Variants in DIP2B observed in about 807,000 individuals in gnomAD.
DIP2B encodes the protein DIP2 acetate--CoA ligase B (putative), also known as disco-interacting protein 2 homolog B.
In DIP2B, 76 loss-of-function variants were observed where a neutral mutation model predicts 198.0. That is an observed-to-expected ratio of 0.38 (90% CI 0.32 to 0.46). The LOEUF (loss-of-function observed/expected upper bound fraction) is 0.46, where lower values mean the gene tolerates loss of function less well. Among genes scored for constraint, DIP2B ranks in the 20% least tolerant of loss-of-function variants. The probability of loss-of-function intolerance (pLI) is 0.99; values close to 1 mark genes in which losing one functional copy is unlikely to be tolerated. For missense variants in DIP2B, 1,559 were observed against 1,978.4 expected, an observed-to-expected ratio of 0.79 and a Z score of 4.02; for synonymous variants, 701 against 739.1, an observed-to-expected ratio of 0.95 and a Z score of 0.84.
chr12:50,680,290 C>CTT, intron 8 of DIP2B: 1 of 139,152 alleles, frequency 7.2e-6, no homozygotes, highest in East Asian at 2.2e-4. Flanking sequence ...AAACTTAGAA[C>CTT]AGAAGTATTC....
chr12:50,743,290 C>T (rs1435786526), intron 37 of DIP2B, among the ~76,000 whole-genome samples: 2 of 152,130 alleles, frequency 1.3e-5, no homozygotes, highest in Non-Finnish European at 2.9e-5. Context: ...ACCATATTGG[C>T]CAGGCTAGTC....
rs1365583468 is a variant in DIP2B at position 50,638,985 on chromosome 12, C to T, written c.173-1739C>T. Among the ~76,000 whole-genome samples, 8 of 151,744 alleles carry T rather than the reference C, an allele frequency of 5.3e-5. No individual in the cohort carries two copies. In the South Asian group the frequency reaches 1.7e-3, roughly 31 times the overall value. ...CATTAGACAGGAGCTCAAAAAGTTT[C>T]GGATTTGGGTATTTGGGGTGTTCAA... On this transcript the variant is annotated intron_variant, in intron 2 of 37. Transcript: ENST00000301180.
At chr12:50,559,707 A>ACCC (rs1958501463) in intron 1 of DIP2B, among the ~76,000 whole-genome samples, 2 of 122,852 alleles carry the variant, frequency 1.6e-5, no homozygotes, top group African/African-American at 5.8e-5. Context: ...CAGTGACAGA[A>ACCC]ACCACACACA....
intron 2 of DIP2B, among the ~76,000 whole-genome samples, chr12:50,636,856 A>G (rs1228404416): frequency 1.3e-5 from 2 of 152,090 alleles, no homozygotes; most frequent in African/African-American, 2.4e-5. Context: ...GACACCTACC[A>G]CTTTACAGAC....
rs1051134759 is a variant in DIP2B, at chr12:50,674,732, A to C, written c.796+103A>C. 8 of 1,416,852 alleles carry C rather than the reference A, an allele frequency of 5.6e-6. No individual in the cohort carries two copies. In the East Asian group the frequency reaches 1.9e-4, roughly 34 times the overall value. The allele number at this position is 1,416,852 out of a possible 1,614,324, so 87.8% of individuals were successfully genotyped here. ...ACTAGCCCAGCAGCTGCAGAACTGC[A>C]TTGTAGTTGGCCCACTAATAACTAA... On this transcript the variant is annotated intron_variant, in intron 6 of 37. Coordinates refer to ENST00000301180, the MANE Select transcript of DIP2B (RefSeq NM_173602.3).
At chr12:50,676,757 G>T (rs747414383) in intron 7 of DIP2B, among the ~76,000 whole-genome samples, 3 of 152,192 alleles carry the variant, frequency 2.0e-5, no homozygotes, top group Non-Finnish European at 4.4e-5. Flanking sequence ...AAGCCTAATG[G>T]ATAATGGCGA....
rs752720737 is a variant in DIP2B at position 50,734,197 on chromosome 12, G to A, written c.4043+1G>A. 6.2e-7 allele frequency: 1 copy of A among 1,613,908 alleles called. No individual in the cohort carries two copies. The highest frequency in any genetic ancestry group is 2.2e-5 in the East Asian group (1 of 44,888). On this transcript the variant is annotated splice_donor_variant, in intron 33 of 37. Coordinates refer to ENST00000301180, the MANE Select transcript of DIP2B (RefSeq NM_173602.3). LOFTEE classifies it high-confidence loss of function. ...ATCTGAAATCACTAAGACATGACAGGTACAACAGATTTATTAATGCTCCTT... is the reference window on the plus strand; with the variant it reads ...ATCTGAAATCACTAAGACATGACAGATACAACAGATTTATTAATGCTCCTT...
At chr12:50,535,368 A>C (rs989657986) in intron 1 of DIP2B, among the ~76,000 whole-genome samples, 1 of 141,828 alleles carries the variant, frequency 7.1e-6, no homozygotes, top group African/African-American at 2.6e-5. Context: ...GAATCAGGAA[A>C]TTTTTTTTTT....
chr12:50,691,187 C>A (rs749309842), intron 13 of DIP2B, 36 bp downstream of exon 13: 1 of 1,569,990 alleles, frequency 6.4e-7, no homozygotes, highest in Non-Finnish European at 8.8e-7. Context: ...TCATTGTTAC[C>A]TTCAGAGATG....
chr12:50,600,655 T>C (rs1472060822), intron 1 of DIP2B, among the ~76,000 whole-genome samples: 1 of 152,170 alleles, frequency 6.6e-6, no homozygotes, highest in Non-Finnish European at 1.5e-5. Context: ...CTGTAAAATC[T>C]GGGTGTTGGT....
At chr12:50,693,094 C>A in intron 14 of DIP2B, 81 bp downstream of exon 14, 1 of 1,343,954 alleles carries the variant, frequency 7.4e-7, no homozygotes, top group Non-Finnish European at 1.0e-6. Flanking sequence ...GAGCATCTCT[C>A]AGTGCTTGTT....
At chr12:50,633,087 G>C (rs539688101) in intron 2 of DIP2B, among the ~76,000 whole-genome samples, 1 of 152,188 alleles carries the variant, frequency 6.6e-6, no homozygotes, top group African/African-American at 2.4e-5. Flanking sequence ...CCTTGTGAAT[G>C]ATTTTTTTTG....
chr12:50,727,726 C>T lies in DIP2B; in HGVS notation c.3424C>T (p.Pro1142Ser). 7 of 1,614,138 alleles carry T rather than the reference C, an allele frequency of 4.3e-6. No individual in the cohort carries two copies. Among genetic ancestry groups the T allele is most frequent in the Non-Finnish European group, 5.9e-6 (7 of 1,180,006 alleles). The change falls in exon 29 of 38, where the codon CCT becomes TCT. Residue 1142 changes from proline (P) to serine (S), a missense_variant. Physicochemically the swap from Pro to Ser is moderately conservative, Grantham distance 74 (BLOSUM62 -1). Coordinates refer to ENST00000301180, the MANE Select transcript of DIP2B (RefSeq NM_173602.3). ...DTDDLPRKRL[P>S]QLYKPPTPEM... ...AGATGATTTACCCAGGAAAAGGTTA[C>T]CTCAGCTGTATAAACCGCCCACTCC...
chr12:50,630,980 T>C (rs1172505700), intron 2 of DIP2B, among the ~76,000 whole-genome samples: 2 of 151,952 alleles, frequency 1.3e-5, no homozygotes, highest in African/African-American at 4.8e-5. Flanking sequence ...CATCCACCAC[T>C]TCTTATCTTA....
intron 4 of DIP2B, among the ~76,000 whole-genome samples, chr12:50,668,974 T>A (rs1465085722): frequency 6.6e-6 from 1 of 152,188 alleles, no homozygotes; most frequent in Non-Finnish European, 1.5e-5. Context: ...ATGATAGATC[T>A]CATTCTTCTT....
intron 9 of DIP2B, 59 bp from the exon 10 acceptor site, chr12:50,683,079 T>C (rs987366148): frequency 6.8e-6 from 9 of 1,321,692 alleles, no homozygotes; most frequent in Non-Finnish European, 9.6e-6. Flanking sequence ...GACAGTGACA[T>C]TGAAAGCATT....
At chr12:50,637,982 G>C (rs146698165) in intron 2 of DIP2B, among the ~76,000 whole-genome samples, 11 of 152,210 alleles carry the variant, frequency 7.2e-5, no homozygotes, top group African/African-American at 2.4e-4. Context: ...ATTGATCATT[G>C]AGAAGGAAGG....
intron 37 of DIP2B, among the ~76,000 whole-genome samples, chr12:50,744,188 G>GTACTTATTTA (rs1940305790): frequency 6.6e-6 from 1 of 152,138 alleles, no homozygotes; most frequent in Non-Finnish European, 1.5e-5. Flanking sequence ...TTTTAGTAGA[G>GTACTTATTTA]GCGGGATTTC....
chr12:50,547,517 A>G (rs1341153121), intron 1 of DIP2B, among the ~76,000 whole-genome samples: 1 of 152,230 alleles, frequency 6.6e-6, no homozygotes, highest in Non-Finnish European at 1.5e-5. Flanking sequence ...AACACTTGTC[A>G]ATAGAAAAAT....
Sources: allele counts gnomAD v4.1 joint callset (sites outside exome capture counted in the v4.1 genomes callset), GRCh38; gene constraint gnomAD v4.1.1; transcripts MANE v1.5; gene names NCBI Gene and HGNC (gene_info 2026-07-23, HGNC 2026-07-21).